KCNJ6: variants seen among roughly 807,000 people sequenced by gnomAD.
The protein encoded by KCNJ6 is potassium inwardly rectifying channel subfamily J member 6.
In KCNJ6, 9 loss-of-function variants were observed where a neutral mutation model predicts 34.2. The ratio of observed to expected loss-of-function variants is 0.26; its 90% CI spans 0.16 to 0.46. The LOEUF (loss-of-function observed/expected upper bound fraction) is 0.46, where lower values mean the gene tolerates loss of function less well. KCNJ6 is among the 20% of genes least tolerant of loss of function. The pLI is 1.00. For missense variants in KCNJ6, 236 were observed against 531.3 expected, an observed-to-expected ratio of 0.44 and a Z score of 5.46; for synonymous variants, 196 against 207.1, an observed-to-expected ratio of 0.95 and a Z score of 0.46.
At chr21:37,742,910 A>T (rs1238734776) in intron 2 of KCNJ6, among the ~76,000 whole-genome samples, 1 of 152,062 alleles carries the variant, frequency 6.6e-6, no homozygotes, top group African/African-American at 2.4e-5. Flanking sequence ...GGAACTCAGG[A>T]TTCTCTAAGG....
At chr21:37,732,418 G>A (rs1001357456) in intron 2 of KCNJ6, among the ~76,000 whole-genome samples, 1 of 152,178 alleles carries the variant, frequency 6.6e-6, no homozygotes, top group African/African-American at 2.4e-5. Context: ...TGATTGCTTG[G>A]TTTTCCCACT....
At chr21:37,657,365 C>T (rs1056519651) in intron 3 of KCNJ6, among the ~76,000 whole-genome samples, 1 of 152,098 alleles carries the variant, frequency 6.6e-6, no homozygotes, top group Non-Finnish European at 1.5e-5. Context: ...CCTGGGGGCC[C>T]CATTTGTGCT....
intron 1 of KCNJ6, among the ~76,000 whole-genome samples, chr21:37,907,288 T>C (rs1329701737): frequency 2.0e-5 from 3 of 152,240 alleles, no homozygotes; most frequent in Non-Finnish European, 4.4e-5. Context: ...CCTGCTCTCA[T>C]AGACACAAGG....
At chr21:37,897,786 C>G (rs1352182609) in intron 1 of KCNJ6, among the ~76,000 whole-genome samples, 2 of 152,196 alleles carry the variant, frequency 1.3e-5, no homozygotes, top group Non-Finnish European at 2.9e-5. Context: ...ATCTCAGGGA[C>G]AGGCTTATCA....
intron 1 of KCNJ6, among the ~76,000 whole-genome samples, chr21:37,898,226 CTCTAGTGCCCTTACCGGTCATGGAA>C (rs1425557171): frequency 1.3e-5 from 2 of 152,208 alleles, no homozygotes; most frequent in African/African-American, 4.8e-5. Context: ...ATGAAATGGG[CTCTAGTGCCCTTACCGGTCATGGAA>C]AGTTCTATTC....
chr21:37,708,797 T>A (rs150457061), intron 3 of KCNJ6, among the ~76,000 whole-genome samples: 81 of 152,114 alleles, frequency 5.3e-4, no homozygotes, highest in African/African-American at 1.9e-3. Flanking sequence ...AGGAGAAAAA[T>A]AAGATTTGAA....
chr21:37,737,797 T>A (rs2054920758), intron 2 of KCNJ6, among the ~76,000 whole-genome samples: 1 of 152,248 alleles, frequency 6.6e-6, no homozygotes, highest in Non-Finnish European at 1.5e-5. Context: ...TGATCTTGTA[T>A]AACCCTGCAG....
intron 1 of KCNJ6, among the ~76,000 whole-genome samples, chr21:37,914,057 G>C (rs2055881536): frequency 6.8e-6 from 1 of 148,088 alleles, no homozygotes; most frequent in Non-Finnish European, 1.5e-5. Flanking sequence ...GTGTCTGTGC[G>C]CGCGCGCGTC....
chr21:37,893,973 A>G (rs189216008), intron 1 of KCNJ6, among the ~76,000 whole-genome samples: 321 of 152,254 alleles, frequency 2.1e-3, no homozygotes, highest in Admixed American at 3.5e-3. Flanking sequence ...TCTATTCAAC[A>G]TCCTGCCTTC....
intron 3 of KCNJ6, among the ~76,000 whole-genome samples, chr21:37,626,773 A>G (rs1354740865): frequency 6.6e-6 from 1 of 152,238 alleles, no homozygotes; most frequent in Non-Finnish European, 1.5e-5. Context: ...TGATACTTTT[A>G]GAGGCCCGTG....
chr21:37,810,693 T>C (rs528467790), intron 2 of KCNJ6, among the ~76,000 whole-genome samples: 6 of 152,332 alleles, frequency 3.9e-5, no homozygotes, highest in Admixed American at 2.0e-4. Flanking sequence ...CTTCCTCTTT[T>C]GTGAGTGATT....
chr21:37,773,476 C>T (rs541522099), intron 2 of KCNJ6, among the ~76,000 whole-genome samples: 3 of 152,210 alleles, frequency 2.0e-5, no homozygotes, highest in Admixed American at 6.5e-5. Flanking sequence ...GGTGTGAAGT[C>T]GCTAACTACG....
At chr21:37,823,352 C>T (rs570574556) in intron 2 of KCNJ6, among the ~76,000 whole-genome samples, 1 of 152,326 alleles carries the variant, frequency 6.6e-6, no homozygotes, top group East Asian at 1.9e-4. Flanking sequence ...TACAGAAGGA[C>T]AAATACTGCA....
At chr21:37,816,190 C>T (rs1400995927) in intron 2 of KCNJ6, among the ~76,000 whole-genome samples, 2 of 152,154 alleles carry the variant, frequency 1.3e-5, no homozygotes, top group Non-Finnish European at 2.9e-5. Context: ...TTCTGGAGCA[C>T]TTTATTGACC....
chr21:37,695,005 T>G lies in KCNJ6; in HGVS notation c.946+19206A>C, dbSNP rs758304556. ...AGACTGTTAGTAAATAAATATCTGTTGTTTAAGCTGCCTAGCCTATGATAT... is the reference window on the plus strand; with the variant it reads ...AGACTGTTAGTAAATAAATATCTGTGGTTTAAGCTGCCTAGCCTATGATAT... On this transcript the variant is annotated intron_variant, in intron 3 of 3. Transcript: ENST00000609713. This position sits in a 1 kb window ranked among gnomAD's most constrained non-coding sequence, Gnocchi z 4.2. 1.3e-5 allele frequency among the ~76,000 whole-genome samples: 2 copies of G among 152,208 alleles called. No homozygotes were observed. Among genetic ancestry groups the G allele is most frequent in the Non-Finnish European group, 2.9e-5 (2 of 68,044 alleles).
intron 3 of KCNJ6, among the ~76,000 whole-genome samples, chr21:37,630,162 T>TGTGTGTGTGTGTGTGG (rs748374656): frequency 6.7e-4 from 43 of 64,484 alleles, no homozygotes; most frequent in East Asian, 5.9e-3. Context: ...GTGTGTGGTG[T>TGTGTGTGTGTGTGTGG]TTATGTTCCA....
intron 3 of KCNJ6, among the ~76,000 whole-genome samples, chr21:37,682,788 G>C (rs928738360): frequency 6.6e-6 from 1 of 152,194 alleles, no homozygotes; most frequent in Non-Finnish European, 1.5e-5. Flanking sequence ...GTGGTCCTCT[G>C]TCCGCCCAGG....
chr21:37,832,792 A>AAG (rs1470152976), intron 2 of KCNJ6, among the ~76,000 whole-genome samples: 2 of 152,034 alleles, frequency 1.3e-5, no homozygotes, highest in Non-Finnish European at 2.9e-5. Flanking sequence ...GGTCGGTGGG[A>AAG]AGAGAGAACA....
intron 1 of KCNJ6, among the ~76,000 whole-genome samples, chr21:37,882,532 C>T (rs947115488): frequency 4.6e-5 from 7 of 152,186 alleles, no homozygotes; most frequent in African/African-American, 1.7e-4. Flanking sequence ...CCCAGCCTTT[C>T]CTCTTGCAGG....
Sources: gnomAD v4.1 joint callset for allele counts (sites outside exome capture counted in the v4.1 genomes callset) on GRCh38, gnomAD v4.1.1 for gene constraint, Gnocchi (gnomAD v3.1) non-coding constraint, MANE v1.5 for transcripts, NCBI Gene and HGNC (gene_info 2026-07-23, HGNC 2026-07-21) for gene names.